The following CNGB3 variants were observed in gnomAD, a reference collection of about 807,000 sequenced individuals.
The protein encoded by CNGB3 is cyclic nucleotide-gated channel beta-3.
In CNGB3, 86 loss-of-function variants were observed where a neutral mutation model predicts 92.8. That is an observed-to-expected ratio of 0.93 (90% CI 0.78 to 1.11). The LOEUF (loss-of-function observed/expected upper bound fraction) is 1.11, where lower values mean the gene tolerates loss of function less well. CNGB3 is among the 50% of genes least tolerant of loss of function. The pLI is 0.00. For missense variants in CNGB3, 1,026 were observed against 956.8 expected, an observed-to-expected ratio of 1.07 and a Z score of -0.95; for synonymous variants, 333 against 332.7, an observed-to-expected ratio of 1.00 and a Z score of -0.01.
intron 13 of CNGB3, among the ~76,000 whole-genome samples, chr8:86,620,374 T>A (rs1358072139): frequency 6.6e-6 from 1 of 152,262 alleles, no homozygotes; most frequent in East Asian, 1.9e-4. Flanking sequence ...CTGTGGCCTC[T>A]CTGCTTGGCT....
intron 2 of CNGB3, among the ~76,000 whole-genome samples, chr8:86,736,090 A>G (rs575903314): frequency 1.3e-5 from 2 of 152,330 alleles, no homozygotes; most frequent in South Asian, 4.1e-4. Flanking sequence ...AATATGTTGC[A>G]TTCTTCATTT....
chr8:86,613,847 T>C (rs968684088), intron 13 of CNGB3, among the ~76,000 whole-genome samples: 2 of 149,100 alleles, frequency 1.3e-5, no homozygotes. Flanking sequence ...ATTGTTTTCC[T>C]GTGGCAGTAA....
At chr8:86,678,366 C>T (rs943209743) in intron 3 of CNGB3, among the ~76,000 whole-genome samples, 2 of 152,190 alleles carry the variant, frequency 1.3e-5, no homozygotes, top group Non-Finnish European at 2.9e-5. Flanking sequence ...CCAAGTCTCA[C>T]TTCACTCCCT....
At chr8:86,601,009 T>A (rs1323631619) in intron 15 of CNGB3, among the ~76,000 whole-genome samples, 1 of 152,036 alleles carries the variant, frequency 6.6e-6, no homozygotes, top group Non-Finnish European at 1.5e-5. Flanking sequence ...TAGTAATTAC[T>A]GCAATAAATG....
At chr8:86,653,655 G>A (rs1021402450) in intron 7 of CNGB3, among the ~76,000 whole-genome samples, 1 of 152,056 alleles carries the variant, frequency 6.6e-6, no homozygotes, top group Non-Finnish European at 1.5e-5. Context: ...AGAAAGAAGC[G>A]GGAGTAAAAA....
At chr8:86,645,621 C>T (rs1010035760) in intron 8 of CNGB3, among the ~76,000 whole-genome samples, 1 of 151,156 alleles carries the variant, frequency 6.6e-6, no homozygotes, top group African/African-American at 2.4e-5. Context: ...GATATGACTG[C>T]AATAGAACGT....
intron 16 of CNGB3, 79 bp downstream of exon 16, chr8:86,579,027 T>C: frequency 6.3e-7 from 1 of 1,582,006 alleles, no homozygotes; most frequent in Non-Finnish European, 8.7e-7. Context: ...ATCACAATCA[T>C]AATACGGTTC....
At chr8:86,713,225 G>A (rs533547242) in intron 3 of CNGB3, among the ~76,000 whole-genome samples, 2 of 152,182 alleles carry the variant, frequency 1.3e-5, no homozygotes, top group Non-Finnish European at 2.9e-5. Context: ...TATTCAATAT[G>A]ATGGGCAATC....
At chr8:86,646,829 T>C (rs1823298266) in intron 8 of CNGB3, among the ~76,000 whole-genome samples, 1 of 151,226 alleles carries the variant, frequency 6.6e-6, no homozygotes, top group Non-Finnish European at 1.5e-5. Context: ...AGGTATCAAA[T>C]GAAGCTATGA....
chr8:86,591,598 C>G (rs200929479), intron 15 of CNGB3, among the ~76,000 whole-genome samples: 4 of 151,918 alleles, frequency 2.6e-5, no homozygotes, highest in African/African-American at 7.3e-5. Flanking sequence ...AGTACCCTGC[C>G]GTGTGAGGTG....
rs188225718 is a variant in CNGB3, at chr8:86,713,511, G to A, written c.338+13020C>T. Among the ~76,000 whole-genome samples, 696 of 152,194 alleles carry A rather than the reference G, an allele frequency of 4.6e-3. 5 individuals are homozygous for A. Among genetic ancestry groups the A allele is most frequent in the Middle Eastern group, 6.8e-3 (2 of 294 alleles). ...CTGTTCTTTAGGAACTAGCTACTGT[G>A]ATGTTCAAATATACTGTATCCTAAA... On this transcript the variant is annotated intron_variant, in intron 3 of 17. Transcript: ENST00000320005.
intron 15 of CNGB3, among the ~76,000 whole-genome samples, chr8:86,591,633 C>A (rs554546265): frequency 6.6e-6 from 1 of 152,258 alleles, no homozygotes; most frequent in East Asian, 1.9e-4. Flanking sequence ...CTGGAGGGTG[C>A]CTCCCAGTTA....
chr8:86,695,943 T>A (rs1824441672), intron 3 of CNGB3, among the ~76,000 whole-genome samples: 1 of 152,118 alleles, frequency 6.6e-6, no homozygotes, highest in Non-Finnish European at 1.5e-5. Flanking sequence ...CCAGTAGGGC[T>A]ACTGGGTGCC....
intron 3 of CNGB3, among the ~76,000 whole-genome samples, chr8:86,683,668 AG>A (rs1215561247): frequency 6.6e-6 from 1 of 152,166 alleles, no homozygotes; most frequent in Non-Finnish European, 1.5e-5. Flanking sequence ...ACAGACCTGC[AG>A]GATATTCATG....
chr8:86,626,144 A>T, intron 12 of CNGB3, 64 bp from the exon 13 acceptor site: 1 of 1,287,816 alleles, frequency 7.8e-7, no homozygotes, highest in Non-Finnish European at 1.1e-6. Flanking sequence ...TCACCAAGGT[A>T]CAAGTAGAAA....
chr8:86,661,447 A>G (rs1823638842), intron 6 of CNGB3: 4 of 538,518 alleles, frequency 7.4e-6, no homozygotes, highest in African/African-American at 5.8e-5. Flanking sequence ...TTATAACTCC[A>G]TGATCTGCAT....
intron 10 of CNGB3, among the ~76,000 whole-genome samples, chr8:86,637,265 C>A (rs987216090): frequency 6.6e-6 from 1 of 152,102 alleles, no homozygotes; most frequent in Non-Finnish European, 1.5e-5. Context: ...AGGCAGTTGA[C>A]CATCTATGTA....
At chr8:86,589,064 T>A (rs894085056) in intron 15 of CNGB3, among the ~76,000 whole-genome samples, 1 of 152,176 alleles carries the variant, frequency 6.6e-6, no homozygotes, top group Admixed American at 6.5e-5. Flanking sequence ...GGTTTAGTCT[T>A]GGGAGAGTGT....
chr8:86,715,115 C>G (rs1283446876), intron 3 of CNGB3, among the ~76,000 whole-genome samples: 1 of 152,074 alleles, frequency 6.6e-6, no homozygotes, highest in Non-Finnish European at 1.5e-5. Flanking sequence ...CCCTGCCCAC[C>G]ACCTAAGAAA....
Sources: allele counts gnomAD v4.1 joint callset (sites outside exome capture counted in the v4.1 genomes callset), GRCh38; gene constraint gnomAD v4.1.1; transcripts MANE v1.5; gene names NCBI Gene and HGNC (gene_info 2026-07-23, HGNC 2026-07-21).